Variants in SLC1A1 observed in about 807,000 individuals in gnomAD.
SLC1A1 encodes excitatory amino acid transporter 3.
In SLC1A1, 43 loss-of-function variants were observed where a neutral mutation model predicts 53.3. The observed-to-expected ratio is 0.81, with a 90% CI of 0.63 to 1.04. The LOEUF (loss-of-function observed/expected upper bound fraction) is 1.04. SLC1A1 is among the 50% of genes least tolerant of loss of function. SLC1A1 has a pLI of 0.00. For missense variants in SLC1A1, 748 were observed against 664.9 expected (o/e 1.12, Z -1.37); for synonymous variants, 307 against 243.2 (o/e 1.26, Z -2.44).
intron 1 of SLC1A1, among the ~76,000 whole-genome samples, chr9:4,537,223 G>A (rs1816707842): frequency 6.6e-6 from 1 of 152,080 alleles, no homozygotes; most frequent in Non-Finnish European, 1.5e-5. Flanking sequence ...TAATGTGGGG[G>A]AAATGCTTAT....
At chr9:4,511,348 G>A (rs1820991891) in intron 1 of SLC1A1, among the ~76,000 whole-genome samples, 1 of 152,096 alleles carries the variant, frequency 6.6e-6, no homozygotes, top group African/African-American at 2.4e-5. Flanking sequence ...AGTGGAAGTG[G>A]CAAGGCAGCT....
intron 1 of SLC1A1, among the ~76,000 whole-genome samples, chr9:4,522,112 C>T (rs1417040113): frequency 7.0e-6 from 1 of 141,890 alleles, no homozygotes; most frequent in African/African-American, 2.7e-5. Context: ...AGTGCAGTGG[C>T]ACAATCTCAG....
At chr9:4,560,320 C>A (rs943352516) in intron 2 of SLC1A1, among the ~76,000 whole-genome samples, 1 of 152,154 alleles carries the variant, frequency 6.6e-6, no homozygotes, top group Non-Finnish European at 1.5e-5. Flanking sequence ...TCATTAAATA[C>A]ATTCTGGTAC....
intron 1 of SLC1A1, among the ~76,000 whole-genome samples, chr9:4,523,380 C>T: frequency 6.6e-6 from 1 of 150,894 alleles, no homozygotes; most frequent in East Asian, 1.9e-4. Context: ...GCCATTTGTT[C>T]TCGTACCACT....
At chr9:4,517,002 G>T (rs962055579) in intron 1 of SLC1A1, among the ~76,000 whole-genome samples, 6 of 152,158 alleles carry the variant, frequency 3.9e-5, no homozygotes, top group Admixed American at 3.3e-4. Flanking sequence ...ACTGGATATC[G>T]AAGCTGGCCA....
intron 10 of SLC1A1, among the ~76,000 whole-genome samples, 190 bp downstream of exon 10, chr9:4,576,953 A>C (rs927716214): frequency 2.6e-5 from 4 of 152,228 alleles, no homozygotes; most frequent in Admixed American, 1.3e-4. Context: ...TGGGTAGCCA[A>C]AGCCATCACT....
At chr9:4,532,355 G>A (rs1816504619) in intron 1 of SLC1A1, among the ~76,000 whole-genome samples, 1 of 152,054 alleles carries the variant, frequency 6.6e-6, no homozygotes, top group Non-Finnish European at 1.5e-5. Context: ...AACCAATGCA[G>A]AGAAGTCCTT....
intron 1 of SLC1A1, among the ~76,000 whole-genome samples, chr9:4,506,298 C>T (rs1043426549): frequency 2.6e-5 from 4 of 152,230 alleles, no homozygotes; most frequent in Admixed American, 6.5e-5. Flanking sequence ...TTTAGAATAA[C>T]TTGCATTTTA....
intron 1 of SLC1A1, among the ~76,000 whole-genome samples, chr9:4,515,226 T>C (rs1821124448): frequency 6.6e-6 from 1 of 152,132 alleles, no homozygotes; most frequent in Admixed American, 6.6e-5. Flanking sequence ...AGATTTCACA[T>C]AGCCTCACTA....
chr9:4,504,273 C>T (rs1317970704), intron 1 of SLC1A1, among the ~76,000 whole-genome samples: 1 of 152,182 alleles, frequency 6.6e-6, no homozygotes, highest in Non-Finnish European at 1.5e-5. Flanking sequence ...CGGTATTTAG[C>T]AACTCTTACA....
intron 1 of SLC1A1, among the ~76,000 whole-genome samples, chr9:4,526,796 A>G (rs10815004): frequency 0.41 from 62,076 of 151,414 alleles, 13,184 homozygotes; most frequent in Admixed American, 0.48. Context: ...GGGATCTACA[A>G]TAGTTGTAGT....
At position 4,549,317 on chromosome 9, in the gene SLC1A1, T is replaced by A. The variant is rs1208075274; in HGVS notation, c.232+4610T>A. ...TCTGCTGTGGCTGCCACTACCCCGG[T>A]GACCTAAGGAGTTCCGCTCTTTGCT... On this transcript the variant is annotated intron_variant, in intron 2 of 11. Transcript: ENST00000262352. The surrounding 1 kb of genome is among the most constrained non-coding windows in gnomAD (Gnocchi z 4.1). Among the ~76,000 whole-genome samples the A allele has an allele frequency of 6.6e-6, 1 of 152,066 alleles. No homozygotes were observed. The highest frequency in any genetic ancestry group is 1.5e-5 in the Non-Finnish European group (1 of 68,012).
intron 1 of SLC1A1, among the ~76,000 whole-genome samples, chr9:4,531,286 T>G (rs970377832): frequency 1.3e-5 from 2 of 151,996 alleles, no homozygotes; most frequent in African/African-American, 2.4e-5. Flanking sequence ...GCACAAGGGG[T>G]CAGGGAATTC....
chr9:4,556,109 C>CCG lies in SLC1A1; in HGVS notation c.233-5340_233-5339insCG, dbSNP rs1564033079. Among the ~76,000 whole-genome samples the CCG allele has an allele frequency of 6.6e-6, 1 of 151,978 alleles. No homozygotes were observed. The highest frequency in any genetic ancestry group is 2.1e-4 in the South Asian group (1 of 4,814). On this transcript the variant is annotated intron_variant, in intron 2 of 11. Coordinates refer to ENST00000262352, the MANE Select transcript of SLC1A1 (RefSeq NM_004170.6). The surrounding 1 kb of genome is among the most constrained non-coding windows in gnomAD (Gnocchi z 4.1). ...GTTCAAGAGATTCTCCTGCCTCAGC[C>CCG]TCCTGAGTAGCTGGGATTGCAGGTG...
intron 1 of SLC1A1, among the ~76,000 whole-genome samples, chr9:4,530,520 G>C (rs1161128200): frequency 1.3e-5 from 2 of 152,118 alleles, no homozygotes; most frequent in South Asian, 2.1e-4. Flanking sequence ...TCCTACCCTA[G>C]AGAAACCCAT....
chr9:4,498,816 A>G (rs1301129279), intron 1 of SLC1A1, among the ~76,000 whole-genome samples: 1 of 150,038 alleles, frequency 6.7e-6, no homozygotes, highest in Non-Finnish European at 1.5e-5. Flanking sequence ...AAATATATAT[A>G]TATGTGTGTG....
intron 1 of SLC1A1, among the ~76,000 whole-genome samples, chr9:4,526,189 A>G (rs149088446): frequency 6.6e-6 from 1 of 152,268 alleles, no homozygotes; most frequent in African/African-American, 2.4e-5. Context: ...TCAACTCCAA[A>G]AGGGAGAAAA....
At chr9:4,506,018 G>T (rs1379163466) in intron 1 of SLC1A1, among the ~76,000 whole-genome samples, 3 of 152,152 alleles carry the variant, frequency 2.0e-5, no homozygotes, top group Admixed American at 6.5e-5. Flanking sequence ...TAGAGAGGGG[G>T]TTTCACCATG....
In SLC1A1 at chr9:4,573,869, G is replaced by C. The variant is rs775338828; in HGVS notation, c.768-38G>C. The C allele has an allele frequency of 6.4e-6, 9 of 1,405,128 alleles. No individual in the cohort carries two copies. The South Asian group carries it at 9.2e-5, about 14-fold the overall frequency. 87.0% of individuals were successfully genotyped at this position (1,405,128 alleles called of 1,614,324 possible). ...ACCAACCTAGCATGAGAAAGCACTT[G>C]ATGACGGAATCACGCCTCTGTTGTG... On this transcript the variant is annotated intron_variant, in intron 7 of 11. Coordinates refer to ENST00000262352, the MANE Select transcript of SLC1A1 (RefSeq NM_004170.6).
Sources: gnomAD v4.1 joint callset for allele counts (sites outside exome capture counted in the v4.1 genomes callset) on GRCh38, gnomAD v4.1.1 for gene constraint, Gnocchi (gnomAD v3.1) non-coding constraint, MANE v1.5 for transcripts, NCBI Gene and HGNC (gene_info 2026-07-23, HGNC 2026-07-21) for gene names.